Variants in COQ9 observed in about 807,000 individuals in gnomAD.
COQ9 encodes the protein ubiquinone biosynthesis protein COQ9, mitochondrial.
A neutral mutation model predicts 42.4 loss-of-function variants in COQ9; 35 were observed. The observed-to-expected ratio is 0.83, with a 90% CI of 0.63 to 1.10. The LOEUF (loss-of-function observed/expected upper bound fraction) is 1.10. Among genes scored for constraint, COQ9 ranks in the 50% least tolerant of loss-of-function variants. COQ9 has a pLI of 0.00. For synonymous variants in COQ9, 155 were observed against 155.1 expected, an observed-to-expected ratio of 1.00 and a Z score of 0.00; for missense variants, 406 against 414.6, an observed-to-expected ratio of 0.98 and a Z score of 0.18.
At position 57,451,196 on chromosome 16, in the gene COQ9, A is replaced by C. The variant is rs1451558708; in HGVS notation, c.230A>C (p.His77Pro). The stretch of plus-strand genomic sequence containing the variant: ...GAAAAACCTGATCCAGAGTCTTCTC[A>C]TTCACCCCCCAGGTAGGCACCAATC... ...GAEKPDPESS[H>P]SPPRYTDQGG... Residue 77 changes from histidine (H) to proline (P), a missense_variant, in exon 2 of 9, where the codon CAT (histidine) becomes CCT (proline). By Grantham distance (77) the His-to-Pro change is moderately conservative. Transcript: ENST00000262507. 1 of 1,614,116 alleles carries C rather than the reference A, an allele frequency of 6.2e-7. No homozygotes were observed. Among genetic ancestry groups the C allele is most frequent in the South Asian group, 1.1e-5 (1 of 91,076 alleles).
chr16:57,450,889 A>G (rs1393968171), intron 1 of COQ9, 151 bp from the exon 2 acceptor site: 3 of 861,640 alleles, frequency 3.5e-6, no homozygotes, highest in East Asian at 5.3e-5. Flanking sequence ...TTCCCAGTTT[A>G]CCCAATATTT....
intron 8 of COQ9, 73 bp downstream of exon 8, chr16:57,460,177 T>G (rs955506784): frequency 1.2e-4 from 176 of 1,443,632 alleles, no homozygotes; most frequent in Non-Finnish European, 1.6e-4. Flanking sequence ...GTTACTGACT[T>G]CACATCATTT....
intron 5 of COQ9, 45 bp downstream of exon 5, chr16:57,457,060 A>G: frequency 7.1e-7 from 1 of 1,409,422 alleles, no homozygotes; most frequent in South Asian, 1.2e-5. Context: ...TAATCCTAAT[A>G]TTTATCATTC....
chr16:57,457,214 C>T (rs1223674987), intron 5 of COQ9, 199 bp downstream of exon 5: 2 of 666,624 alleles, frequency 3.0e-6, no homozygotes, highest in Non-Finnish European at 5.5e-6. Context: ...CCATCTGTGT[C>T]TCAGTTCTTG....
intron 1 of COQ9, among the ~76,000 whole-genome samples, chr16:57,448,654 C>G (rs772992545): frequency 2.6e-5 from 4 of 151,968 alleles, no homozygotes; most frequent in Admixed American, 1.3e-4. Flanking sequence ...CTCAAGTTAT[C>G]TGCCTGCCTC....
rs376172393 is a variant in COQ9, at chr16:57,460,792, A to G, written c.*168A>G. ...TGGAAACCACAAGGCATTTGATGCTACCGTTCTGGTCAGGGATTGGGCTGC... is the reference window on the plus strand; with the variant it reads ...TGGAAACCACAAGGCATTTGATGCTGCCGTTCTGGTCAGGGATTGGGCTGC... On this transcript the variant is annotated 3_prime_UTR_variant, in exon 9 of 9. Transcript: ENST00000262507. The G allele has an allele frequency of 1.3e-4, 90 of 678,182 alleles. No homozygotes were observed. The East Asian group carries it at 2.4e-3, about 18-fold the overall frequency. The allele number at this position is 678,182 out of a possible 1,614,324, so 42.0% of individuals were successfully genotyped here. A position where few individuals can be genotyped will look rare whatever the true frequency, so the allele number is the denominator to read the frequency against.
At chr16:57,450,306 T>C (rs940628094) in intron 1 of COQ9, among the ~76,000 whole-genome samples, 11 of 150,656 alleles carry the variant, frequency 7.3e-5, no homozygotes, top group Admixed American at 6.7e-4. Flanking sequence ...TCCCAGCTAC[T>C]CGGGAGGCTG....
intron 8 of COQ9, 80 bp downstream of exon 8, chr16:57,460,184 A>G (rs2030503335): frequency 1.4e-6 from 2 of 1,381,974 alleles, no homozygotes; most frequent in Admixed American, 3.5e-5. Flanking sequence ...ACTTCACATC[A>G]TTTTGTAGCC....
rs1164444938 is a variant in COQ9 at position 57,458,443 on chromosome 16, C to T, written c.711+93C>T. 33 of 939,530 alleles carry T rather than the reference C, an allele frequency of 3.5e-5. No individual in the cohort carries two copies. In the Admixed American group the frequency reaches 6.6e-4, roughly 19 times the overall value. The allele number at this position is 939,530 out of a possible 1,614,324, so 58.2% of individuals were successfully genotyped here. A position where few individuals can be genotyped will look rare whatever the true frequency, so the allele number is the denominator to read the frequency against. On this transcript the variant is annotated intron_variant, in intron 6 of 8. Coordinates refer to ENST00000262507, the MANE Select transcript of COQ9 (RefSeq NM_020312.4). ...TGTGAAATTGCTTTGATCATAAGCC[C>T]CTGCAGGGGGGCTGCAGTGTCATTC...
chr16:57,456,427 G>T (rs757313777), intron 3 of COQ9, 77 bp from the exon 4 acceptor site: 37 of 1,492,590 alleles, frequency 2.5e-5, no homozygotes, highest in Non-Finnish European at 3.2e-5. Flanking sequence ...CTAGGAAGAG[G>T]CTCTAGTGAT....
chr16:57,458,134 G>C, intron 5 of COQ9, 112 bp from the exon 6 acceptor site: 2 of 795,010 alleles, frequency 2.5e-6, no homozygotes, highest in Admixed American at 4.0e-5. Flanking sequence ...GCTGGTCTCA[G>C]AGAACCAGAG....
intron 2 of COQ9, among the ~76,000 whole-genome samples, chr16:57,451,618 T>C (rs1264985980): frequency 6.6e-6 from 1 of 152,270 alleles, no homozygotes; most frequent in Non-Finnish European, 1.5e-5. Context: ...TTTTTGTGAA[T>C]ATCCTTTTAG....
chr16:57,451,271 A>T (rs1354080453), intron 2 of COQ9, 63 bp downstream of exon 2: 4 of 1,505,648 alleles, frequency 2.7e-6, no homozygotes, highest in Non-Finnish European at 3.7e-6. Context: ...TTCCTCCTTC[A>T]CTTCCTCTCT....
At chr16:57,447,804 C>T (rs914470152) in intron 1 of COQ9, 6 of 390,388 alleles carry the variant, frequency 1.5e-5, no homozygotes, top group South Asian at 1.4e-4. Context: ...ACCCCCATTT[C>T]ATGGAGTTGG....
chr16:57,460,217 A>G, intron 8 of COQ9, 113 bp downstream of exon 8: 2 of 1,096,798 alleles, frequency 1.8e-6, no homozygotes, highest in African/African-American at 1.6e-5. Context: ...CAATAATCTA[A>G]TAATAAGGCT....
At chr16:57,450,733 C>G in intron 1 of COQ9, 1 of 434,512 alleles carries the variant, frequency 2.3e-6, no homozygotes. Flanking sequence ...GAGATTATTA[C>G]TCTAAATTTG....
At position 57,458,330 on chromosome 16, in the gene COQ9, G is replaced by C; in HGVS notation, c.691G>C (p.Ala231Pro). ...CATGGTGGATGACATGTGGCATTAC[G>C]CTGGGGACCAGTCCACTGATGTGAG... ...TSMVDDMWHYAGDQSTDFNWY... is the reference protein window; with the variant it reads ...TSMVDDMWHYPGDQSTDFNWY... The change falls in exon 6 of 9, where the codon GCT (alanine) becomes CCT (proline). Residue 231 changes from alanine to proline, a missense_variant. By Grantham distance (27) the Ala-to-Pro change is conservative. Coordinates refer to ENST00000262507, the MANE Select transcript of COQ9 (RefSeq NM_020312.4). The C allele has an allele frequency of 1.2e-6, 2 of 1,612,258 alleles. No homozygotes were observed. Among genetic ancestry groups the C allele is most frequent in the Non-Finnish European group, 1.7e-6 (2 of 1,179,024 alleles).
In COQ9 at chr16:57,447,497, G is replaced by A. The variant is rs748754823; in HGVS notation, c.-9G>A. 6 of 1,289,008 alleles carry A rather than the reference G, an allele frequency of 4.7e-6. No homozygotes were observed. The South Asian group carries it at 1.3e-4, about 28-fold the overall frequency. 79.8% of individuals were successfully genotyped at this position (1,289,008 alleles called of 1,614,324 possible). A position where few individuals can be genotyped will look rare whatever the true frequency, so the allele number is the denominator to read the frequency against. ...TCGCGTCGCCGTGGGCGACGTGCCCGCTTCCAAAATGGCGGCGGCGGCGGT... is the reference window on the plus strand; with the variant it reads ...TCGCGTCGCCGTGGGCGACGTGCCCACTTCCAAAATGGCGGCGGCGGCGGT... On this transcript the variant is annotated 5_prime_UTR_variant, in exon 1 of 9. Transcript: ENST00000262507.
chr16:57,449,832 C>T (rs1393026468), intron 1 of COQ9, among the ~76,000 whole-genome samples: 4 of 152,074 alleles, frequency 2.6e-5, no homozygotes, highest in African/African-American at 9.7e-5. Flanking sequence ...CAGTAATGTT[C>T]TCTGTTTAGA....
Sources: gnomAD v4.1 joint callset for allele counts (sites outside exome capture counted in the v4.1 genomes callset) on GRCh38, gnomAD v4.1.1 for gene constraint, MANE v1.5 for transcripts, NCBI Gene and HGNC (gene_info 2026-07-23, HGNC 2026-07-21) for gene names.